Variants in CDC40 observed in about 807,000 individuals in gnomAD.
CDC40 encodes the protein cell division cycle 40, also known as pre-mRNA-processing factor 17.
In CDC40, 27 loss-of-function variants were observed where a neutral mutation model predicts 80.6. The ratio of observed to expected loss-of-function variants is 0.33; its 90% confidence interval spans 0.25 to 0.46. The LOEUF (loss-of-function observed/expected upper bound fraction) is 0.46. CDC40 is among the 20% of genes least tolerant of loss of function. The pLI, the probability that CDC40 is intolerant of heterozygous loss-of-function variation, is 1.00. For synonymous variants in CDC40, 221 were observed against 232.6 expected, an observed-to-expected ratio of 0.95 and a Z score of 0.45; for missense variants, 486 against 694.1, an observed-to-expected ratio of 0.70 and a Z score of 3.37.
Position 110,180,602 on chromosome 6 carries a change from C to T in CDC40, c.158C>T (p.Ala53Val), listed in dbSNP as rs190262523. The change falls in exon 1 of 15, where the codon GCA becomes GTA. Residue 53 changes from alanine to valine, a missense_variant. By Grantham distance (64) the Ala-to-Val change is moderately conservative. Coordinates refer to ENST00000307731, the MANE Select transcript of CDC40 (RefSeq NM_015891.3). ...SPSSKPSLAV[A>V]VDSAPEVAVK... ...TCATCAAAGCCGTCTCTAGCAGTGGCAGTGGACTCGGCTCCGGAGGTGGCA... is the reference window on the plus strand; with the variant it reads ...TCATCAAAGCCGTCTCTAGCAGTGGTAGTGGACTCGGCTCCGGAGGTGGCA... 3.0e-4 allele frequency: 490 copies of T among 1,613,916 alleles called. 6 individuals are homozygous for T. In the East Asian group the frequency reaches 7.4e-3, roughly 24 times the overall value.
intron 1 of CDC40, among the ~76,000 whole-genome samples, chr6:110,187,571 T>A (rs2114648174): frequency 6.6e-6 from 1 of 152,278 alleles, no homozygotes; most frequent in Non-Finnish European, 1.5e-5. Flanking sequence ...AATTCTTCTA[T>A]TAGGAAGTTT....
intron 1 of CDC40, among the ~76,000 whole-genome samples, chr6:110,187,697 CTTAT>C (rs1777292928): frequency 6.6e-6 from 1 of 152,056 alleles, no homozygotes; most frequent in Non-Finnish European, 1.5e-5. Context: ...TGTCTCTTTT[CTTAT>C]TTGGGCACAG....
chr6:110,212,070 A>G (rs1188168657), intron 6 of CDC40, 63 bp from the exon 7 acceptor site: 4 of 1,372,424 alleles, frequency 2.9e-6, no homozygotes, highest in Non-Finnish European at 4.1e-6. Flanking sequence ...TATTTTAAGA[A>G]TGTTAGGTTT....
Position 110,219,775 on chromosome 6 carries a change from C to T in CDC40, c.1246C>T (p.Arg416Trp), listed in dbSNP as rs1157578965. ...TGGAGAAATTGTGCAGGAATATGAT[C>T]GGCATTTGGGAGCTGTCAACACCAT... is the stretch of plus-strand genomic sequence containing the variant. Reference protein sequence around the residue: ...RSGEIVQEYDRHLGAVNTIVF... With the variant: ...RSGEIVQEYDWHLGAVNTIVF... Residue 416 changes from arginine to tryptophan, a missense_variant, in exon 12 of 15, where the codon CGG (arginine) becomes TGG (tryptophan). Around this residue, in one of 3 missense-constraint regions of CDC40, gnomAD observed 17 missense variants for 63.3 expected, o/e 0.27. Coordinates refer to ENST00000307731, the MANE Select transcript of CDC40 (RefSeq NM_015891.3). 5 of 1,613,892 alleles carry T rather than the reference C, an allele frequency of 3.1e-6. No individual in the cohort carries two copies. The highest frequency in any genetic ancestry group is 4.2e-6 in the Non-Finnish European group (5 of 1,179,882).
intron 12 of CDC40, among the ~76,000 whole-genome samples, chr6:110,220,311 A>G (rs1031923617): frequency 1.3e-5 from 2 of 152,166 alleles, no homozygotes; most frequent in Non-Finnish European, 2.9e-5. Flanking sequence ...AAAATGCCCC[A>G]TGTATTAGTC....
intron 12 of CDC40, among the ~76,000 whole-genome samples, chr6:110,222,578 C>T (rs561742528): frequency 6.6e-6 from 1 of 152,000 alleles, no homozygotes; most frequent in African/African-American, 2.4e-5. Context: ...AAACAAACAA[C>T]AACAACAAAA....
chr6:110,203,104 CTG>C (rs1777514026), intron 3 of CDC40, among the ~76,000 whole-genome samples: 1 of 152,048 alleles, frequency 6.6e-6, no homozygotes, highest in African/African-American at 2.4e-5. Flanking sequence ...TAGGTTTAAA[CTG>C]AGGTTTAAAG....
chr6:110,221,865 CTT>C lies in CDC40; in HGVS notation c.1340+2012_1340+2013del, dbSNP rs200106149. 4.3e-3 allele frequency among the ~76,000 whole-genome samples: 519 copies of C among 121,224 alleles called. 2 individuals carry two copies. The highest frequency in any genetic ancestry group is 0.014 in the African/African-American group (473 of 34,054). The allele number at this position is 121,224 out of a possible 152,430, so 79.5% of individuals were successfully genotyped here. A position where few individuals can be genotyped will look rare whatever the true frequency, so the allele number is the denominator to read the frequency against. On this transcript the variant is annotated intron_variant, in intron 12 of 14. Transcript: ENST00000307731. ...ACTAGCAGATAATGTTAGTATGTTTCTTTTTTTTTTTTTTTTTCATTTCCTCT... is the reference window on the plus strand; with the variant it reads ...ACTAGCAGATAATGTTAGTATGTTTCTTTTTTTTTTTTTTTCATTTCCTCT...
At position 110,203,556 on chromosome 6, in the gene CDC40, A is replaced by G. The variant is rs1174089070; in HGVS notation, c.406+1869A>G. The stretch of plus-strand genomic sequence containing the variant: ...AACCCTGGGCTATCACTGCTGGAAT[A>G]TAATACAAATATTTATTTTAATTTT... On this transcript the variant is annotated intron_variant, in intron 3 of 14. Coordinates refer to ENST00000307731, the MANE Select transcript of CDC40 (RefSeq NM_015891.3). 3.3e-5 allele frequency among the ~76,000 whole-genome samples: 5 copies of G among 152,356 alleles called. No homozygotes were observed. In the East Asian group the frequency reaches 7.7e-4, roughly 23 times the overall value.
Position 110,193,268 on chromosome 6 carries a change from G to A in CDC40, c.276G>A (p.Glu92=). The change falls in exon 2 of 15, where the codon GAG becomes GAA. Residue 92 remains glutamate, a splice_region_variant and synonymous_variant. Coordinates refer to ENST00000307731, the MANE Select transcript of CDC40 (RefSeq NM_015891.3). ...NPTYETMFAP[E]FGPENPFRTQ... is the part of the protein sequence containing the mutation. Reference sequence around the variant, plus strand: ...CCTATGAGACCATGTTTGCTCCTGAGGTAAGAAAACATACTTAAGGTTCTG... The same window carrying A: ...CCTATGAGACCATGTTTGCTCCTGAAGTAAGAAAACATACTTAAGGTTCTG... 2 of 1,563,564 alleles carry A rather than the reference G, an allele frequency of 1.3e-6. No homozygotes were observed. The highest frequency in any genetic ancestry group is 1.8e-6 in the Non-Finnish European group (2 of 1,134,622).
chr6:110,210,554 A>G lies in CDC40; in HGVS notation c.631-153A>G, dbSNP rs923078990. On this transcript the variant is annotated intron_variant, in intron 5 of 14. Transcript: ENST00000307731. ...GCGACAGTGCGAGACTCATCTCAGA[A>G]AAAAAAAAAAAAAAAAAAAGTGTTG... Among the ~76,000 whole-genome samples, 40 of 123,834 alleles carry G rather than the reference A, an allele frequency of 3.2e-4. No homozygotes were observed. The South Asian group carries it at 4.7e-3, about 14-fold the overall frequency. 81.2% of individuals were successfully genotyped at this position (123,834 alleles called of 152,430 possible). A position where few individuals can be genotyped will look rare whatever the true frequency, so the allele number is the denominator to read the frequency against.
At chr6:110,182,666 ATTCTT>A (rs1480951530) in intron 1 of CDC40, among the ~76,000 whole-genome samples, 3 of 152,068 alleles carry the variant, frequency 2.0e-5, no homozygotes, top group Admixed American at 2.0e-4. Flanking sequence ...CCCAGGAGTT[ATTCTT>A]TTCTTTCTCT....
chr6:110,222,824 G>C (rs145998695), intron 12 of CDC40, among the ~76,000 whole-genome samples: 39 of 152,296 alleles, frequency 2.6e-4, no homozygotes, highest in African/African-American at 9.1e-4. Context: ...CAATAGTGCT[G>C]AATCTGTAAA....
At chr6:110,181,977 G>A (rs1777204532) in intron 1 of CDC40, among the ~76,000 whole-genome samples, 2 of 152,046 alleles carry the variant, frequency 1.3e-5, no homozygotes, top group African/African-American at 4.8e-5. Flanking sequence ...TCTGCTCTTA[G>A]TCCTCTTTGC....
intron 3 of CDC40, among the ~76,000 whole-genome samples, chr6:110,205,347 AC>A: frequency 6.6e-6 from 1 of 152,268 alleles, no homozygotes; most frequent in Admixed American, 6.5e-5. Flanking sequence ...TATTTGAGAC[AC>A]AAGATAGTGA....
intron 1 of CDC40, among the ~76,000 whole-genome samples, chr6:110,185,463 C>T (rs1255259152): frequency 6.6e-6 from 1 of 151,716 alleles, no homozygotes; most frequent in Non-Finnish European, 1.5e-5. Context: ...GGGATGGTCT[C>T]GATCTCCTGA....
At chr6:110,220,717 T>C (rs868435101) in intron 12 of CDC40, among the ~76,000 whole-genome samples, 4 of 152,176 alleles carry the variant, frequency 2.6e-5, no homozygotes, top group Non-Finnish European at 5.9e-5. Context: ...AGTGCTGGGA[T>C]TACAGGCGTG....
chr6:110,219,618 A>T, intron 11 of CDC40, 118 bp from the exon 12 acceptor site: 1 of 1,306,984 alleles, frequency 7.7e-7, no homozygotes, highest in African/African-American at 1.5e-5. Context: ...TAGCAGAAAA[A>T]TTTACATTTA....
chr6:110,182,634 G>C (rs1445379595), intron 1 of CDC40, among the ~76,000 whole-genome samples: 1 of 152,116 alleles, frequency 6.6e-6, no homozygotes, highest in Non-Finnish European at 1.5e-5. Context: ...ACTGGTGCAG[G>C]CTTCATATCT....
Sources: gnomAD v4.1 joint callset for allele counts (sites outside exome capture counted in the v4.1 genomes callset) on GRCh38, gnomAD v4.1.1 for gene constraint, gnomAD v4.1.1 regional missense constraint, MANE v1.5 for transcripts, NCBI Gene and HGNC (gene_info 2026-07-23, HGNC 2026-07-21) for gene names.